The following SIL1 variants were observed in gnomAD, a reference collection of about 807,000 sequenced individuals.
SIL1 encodes the protein nucleotide exchange factor SIL1.
In SIL1, 40 loss-of-function variants were observed where a neutral mutation model predicts 49.1. The ratio of observed to expected loss-of-function variants is 0.81; its 90% confidence interval spans 0.63 to 1.06. The LOEUF (loss-of-function observed/expected upper bound fraction) is 1.06. Ranked by LOEUF, SIL1 falls within the 50% of genes least tolerant of loss-of-function variation. The pLI, the probability that SIL1 is intolerant of heterozygous loss-of-function variation, is 0.00. For missense variants in SIL1, 500 were observed against 572.6 expected (o/e 0.87, Z 1.29); for synonymous variants, 253 against 250.8 (o/e 1.01, Z -0.08).
At chr5:139,095,896 G>A (rs1191696517) in intron 3 of SIL1, among the ~76,000 whole-genome samples, 2 of 152,106 alleles carry the variant, frequency 1.3e-5, no homozygotes, top group Non-Finnish European at 2.9e-5. Context: ...GAACAAGATG[G>A]TGGAATAGAA....
At chr5:139,021,583 G>A (rs1313529295) in intron 6 of SIL1, among the ~76,000 whole-genome samples, 1 of 152,184 alleles carries the variant, frequency 6.6e-6, no homozygotes, top group Non-Finnish European at 1.5e-5. Context: ...ATATCATAAT[G>A]AGTCACAAAG....
At chr5:139,144,121 T>G (rs547639046) in intron 1 of SIL1, among the ~76,000 whole-genome samples, 8 of 152,334 alleles carry the variant, frequency 5.3e-5, no homozygotes, top group African/African-American at 1.9e-4. Flanking sequence ...AAAATTCACA[T>G]GGAGTTTCAA....
At chr5:139,123,775 C>T (rs1750701759) in intron 2 of SIL1, among the ~76,000 whole-genome samples, 1 of 152,208 alleles carries the variant, frequency 6.6e-6, no homozygotes, top group Non-Finnish European at 1.5e-5. Flanking sequence ...GAAGCAGCTG[C>T]TACTCCGCTG....
At chr5:139,085,981 C>T (rs1283364932) in intron 3 of SIL1, among the ~76,000 whole-genome samples, 3 of 151,918 alleles carry the variant, frequency 2.0e-5, no homozygotes, top group Admixed American at 6.6e-5. Context: ...AGCAATTTGC[C>T]GGCCAGCTTG....
In SIL1 at chr5:139,157,067, G is replaced by C. The variant is rs1349760590; in HGVS notation, c.-10-29214C>G. The stretch of plus-strand genomic sequence containing the variant: ...GCCAAGAATTGAAGCAATCAGCACT[G>C]ACAGCTCCTCTGCTGCAAAGCCTTC... On this transcript the variant is annotated intron_variant, in intron 1 of 9. Transcript: ENST00000394817. Among the ~76,000 whole-genome samples the C allele has an allele frequency of 2.6e-5, 4 of 152,180 alleles. No homozygotes were observed. The East Asian group carries it at 5.8e-4, about 22-fold the overall frequency.
At chr5:138,972,535 A>G (rs1767301654) in intron 7 of SIL1, among the ~76,000 whole-genome samples, 1 of 152,198 alleles carries the variant, frequency 6.6e-6, no homozygotes, top group Non-Finnish European at 1.5e-5. Context: ...ACAGCTGTTA[A>G]GAGCCCCAGA....
chr5:139,116,430 T>G (rs1254767731), intron 3 of SIL1, among the ~76,000 whole-genome samples: 1 of 151,836 alleles, frequency 6.6e-6, no homozygotes, highest in Non-Finnish European at 1.5e-5. Flanking sequence ...CCGCCTGGAG[T>G]CAGATCAGGT....
At chr5:139,193,766 T>C (rs929355675) in intron 1 of SIL1, among the ~76,000 whole-genome samples, 3 of 152,244 alleles carry the variant, frequency 2.0e-5, no homozygotes, top group Non-Finnish European at 4.4e-5. Flanking sequence ...CGGACTTTCC[T>C]GCTTTTGGCA....
chr5:139,052,108 C>A (rs760347476), intron 3 of SIL1, among the ~76,000 whole-genome samples: 5 of 152,130 alleles, frequency 3.3e-5, no homozygotes, highest in African/African-American at 4.8e-5. Flanking sequence ...AAGCACACAG[C>A]ACAAGTTCTC....
At chr5:139,170,141 T>A (rs1302693233) in intron 1 of SIL1, among the ~76,000 whole-genome samples, 1 of 152,224 alleles carries the variant, frequency 6.6e-6, no homozygotes, top group Non-Finnish European at 1.5e-5. Flanking sequence ...GGTGCTGGGA[T>A]TGCAGACGGA....
intron 7 of SIL1, among the ~76,000 whole-genome samples, chr5:138,982,063 C>T (rs1767539573): frequency 6.6e-6 from 1 of 152,204 alleles, no homozygotes; most frequent in African/African-American, 2.4e-5. Context: ...TCAATGAGAG[C>T]ATGCAGTGAC....
chr5:139,165,063 C>T (rs997924793), intron 1 of SIL1, among the ~76,000 whole-genome samples: 5 of 152,164 alleles, frequency 3.3e-5, no homozygotes, highest in Non-Finnish European at 7.3e-5. Context: ...TCCTTCCTTC[C>T]TTTCCAGATC....
rs917213469 is a variant in SIL1, at chr5:139,156,877, G to A, written c.-10-29024C>T. On this transcript the variant is annotated intron_variant, in intron 1 of 9. Coordinates refer to ENST00000394817, the MANE Select transcript of SIL1 (RefSeq NM_022464.5). ...TCTCTTGTTTTAAGCCACCAAGTTT[G>A]TGTTCATCTGTTACAGCAGCCACGT... 3.3e-5 allele frequency among the ~76,000 whole-genome samples: 5 copies of A among 152,200 alleles called. 1 individual carries two copies. The highest frequency in any genetic ancestry group is 1.2e-4 in the African/African-American group (5 of 41,450).
chr5:138,973,016 A>G (rs1055286156), intron 7 of SIL1, among the ~76,000 whole-genome samples: 5 of 152,158 alleles, frequency 3.3e-5, no homozygotes, highest in African/African-American at 1.2e-4. Flanking sequence ...GAGGCTGGCC[A>G]CAGTATTCCT....
At chr5:139,023,339 A>G (rs917139013) in intron 6 of SIL1, among the ~76,000 whole-genome samples, 13 of 152,152 alleles carry the variant, frequency 8.5e-5, no homozygotes, top group Non-Finnish European at 1.3e-4. Flanking sequence ...GGGGTGGGAC[A>G]GGCAGAGAGG....
intron 3 of SIL1, among the ~76,000 whole-genome samples, chr5:139,079,940 G>A (rs1770036528): frequency 6.6e-6 from 1 of 152,112 alleles, no homozygotes; most frequent in Non-Finnish European, 1.5e-5. Context: ...GAAAACCTGG[G>A]ATTCCTACTT....
At chr5:139,052,832 C>G (rs1274974830) in intron 3 of SIL1, among the ~76,000 whole-genome samples, 1 of 152,120 alleles carries the variant, frequency 6.6e-6, no homozygotes, top group African/African-American at 2.4e-5. Flanking sequence ...AATGCACTGA[C>G]ACGGAACCCA....
chr5:139,098,130 A>C (rs1770509964), intron 3 of SIL1, among the ~76,000 whole-genome samples: 1 of 152,234 alleles, frequency 6.6e-6, no homozygotes, highest in African/African-American at 2.4e-5. Context: ...GAACCAGAAT[A>C]GCCAAAGCTA....
chr5:139,162,184 A>G (rs1027354112), intron 1 of SIL1, among the ~76,000 whole-genome samples: 1 of 152,162 alleles, frequency 6.6e-6, no homozygotes, highest in Non-Finnish European at 1.5e-5. Flanking sequence ...AAAGAGAAGC[A>G]CTATCCCCTC....
Sources: gnomAD v4.1 joint callset for allele counts (sites outside exome capture counted in the v4.1 genomes callset) on GRCh38, gnomAD v4.1.1 for gene constraint, MANE v1.5 for transcripts, NCBI Gene and HGNC (gene_info 2026-07-23, HGNC 2026-07-21) for gene names.